Variants in EPCIP observed in about 807,000 individuals in gnomAD.
EPCIP encodes the protein exosomal polycystin 1 interacting protein.
chr21:32,793,858 G>C, the EPCIP span: 1 of 1,613,926 alleles, frequency 6.2e-7, no homozygotes, highest in South Asian at 1.1e-5. Flanking sequence ...TGCTGGTAAC[G>C]TTTTCAATAC....
the EPCIP span, among the ~76,000 whole-genome samples, chr21:32,806,955 G>T: frequency 3.3e-4 from 50 of 152,276 alleles, no homozygotes; most frequent in African/African-American, 1.2e-3. Flanking sequence ...CTCACATGGT[G>T]GCAGACAAGA....
the EPCIP span, among the ~76,000 whole-genome samples, chr21:32,801,291 A>G: frequency 6.6e-6 from 1 of 152,224 alleles, no homozygotes; most frequent in South Asian, 2.1e-4. Flanking sequence ...GCTGGGTACA[A>G]TACAGCAGGT....
the EPCIP span, among the ~76,000 whole-genome samples, chr21:32,795,006 A>G: frequency 6.6e-6 from 1 of 152,342 alleles, no homozygotes; most frequent in African/African-American, 2.4e-5. Flanking sequence ...ACATAGCATG[A>G]ATACCAATGA....
At chr21:32,812,205 A>G in the EPCIP span, among the ~76,000 whole-genome samples, 2 of 152,210 alleles carry the variant, frequency 1.3e-5, no homozygotes, top group Non-Finnish European at 2.9e-5. Context: ...AGAGTGAATT[A>G]GGCAATGAGT....
the EPCIP span, among the ~76,000 whole-genome samples, chr21:32,809,182 C>CGTGTGTGTGTGT: frequency 2.9e-3 from 351 of 121,142 alleles, 8 homozygotes; most frequent in East Asian, 8.7e-3. Context: ...TCGAGGGGTG[C>CGTGTGTGTGTGT]GTGTGTGTGT....
the EPCIP span, among the ~76,000 whole-genome samples, chr21:32,795,671 C>T: frequency 6.6e-6 from 1 of 152,116 alleles, no homozygotes; most frequent in African/African-American, 2.4e-5. Flanking sequence ...CAACATGTGT[C>T]CAAAGAGTAC....
the EPCIP span, chr21:32,794,235 A>C: frequency 1.2e-6 from 2 of 1,614,274 alleles, no homozygotes; most frequent in Non-Finnish European, 1.7e-6. Flanking sequence ...ACGGTTTTAC[A>C]GTTGCACATC....
At chr21:32,808,057 A>C in the EPCIP span, among the ~76,000 whole-genome samples, 1 of 152,248 alleles carries the variant, frequency 6.6e-6, no homozygotes, top group Non-Finnish European at 1.5e-5. Context: ...GAGTAGAATT[A>C]GTATATTTTG....
chr21:32,802,143 C>T, the EPCIP span, among the ~76,000 whole-genome samples: 1 of 152,096 alleles, frequency 6.6e-6, no homozygotes, highest in Non-Finnish European at 1.5e-5. Flanking sequence ...TACTTGGTCT[C>T]CAAACTCTTC....
the EPCIP span, among the ~76,000 whole-genome samples, chr21:32,793,187 C>T: frequency 6.6e-6 from 1 of 152,040 alleles, no homozygotes; most frequent in African/African-American, 2.4e-5. Context: ...GAACTCCCGA[C>T]CTCAGGTGAT....
chr21:32,800,274 G>A, the EPCIP span, among the ~76,000 whole-genome samples: 1 of 152,276 alleles, frequency 6.6e-6, no homozygotes, highest in South Asian at 2.1e-4. Flanking sequence ...TAAATGTTGG[G>A]TGTAATCCTA....
chr21:32,794,046 G>T, the EPCIP span: 153 of 1,614,138 alleles, frequency 9.5e-5, 1 homozygote, highest in African/African-American at 1.5e-3. Context: ...ATGTTGATGC[G>T]CAGCCTCTTC....
At chr21:32,805,793 A>G in the EPCIP span, among the ~76,000 whole-genome samples, 16 of 152,278 alleles carry the variant, frequency 1.1e-4, no homozygotes, top group African/African-American at 2.6e-4. Context: ...AGTGTTTGCT[A>G]ATTACATTAT....
chr21:32,806,569 C>T, the EPCIP span, among the ~76,000 whole-genome samples: 52 of 152,242 alleles, frequency 3.4e-4, no homozygotes, highest in Non-Finnish European at 6.3e-4. Context: ...GTTCACTTAA[C>T]TTCATCTGTG....
At chr21:32,798,222 A>G in the EPCIP span, 1 of 152,230 alleles carries the variant, frequency 6.6e-6, no homozygotes, top group Non-Finnish European at 1.5e-5. Context: ...AGTCCCAGCT[A>G]CTCGGGAGGC....
chr21:32,799,884 G>A, the EPCIP span, among the ~76,000 whole-genome samples: 112 of 152,332 alleles, frequency 7.4e-4, no homozygotes, highest in Non-Finnish European at 1.3e-3. Context: ...AGAGGTTGCC[G>A]TGAGCCGAGA....
At chr21:32,801,475 A>C in the EPCIP span, among the ~76,000 whole-genome samples, 2 of 152,160 alleles carry the variant, frequency 1.3e-5, no homozygotes, top group African/African-American at 4.8e-5. Flanking sequence ...GTGCCCAGAG[A>C]ACTTGGAATG....
the EPCIP span, chr21:32,796,984 G>A: frequency 6.7e-6 from 3 of 444,734 alleles, no homozygotes; most frequent in South Asian, 1.6e-5. Context: ...AAAGAGATCA[G>A]AAGAGAAAAG....
At chr21:32,791,841 T>C in the EPCIP span, among the ~76,000 whole-genome samples, 1 of 152,204 alleles carries the variant, frequency 6.6e-6, no homozygotes, top group African/African-American at 2.4e-5. Flanking sequence ...TGCAATAATG[T>C]TTCAAATTCA....
Sources: allele counts gnomAD v4.1 joint callset (sites outside exome capture counted in the v4.1 genomes callset), GRCh38; gene constraint gnomAD v4.1.1; transcripts MANE v1.5; gene names NCBI Gene and HGNC (gene_info 2026-07-23, HGNC 2026-07-21).